The following CFAP46 variants were observed in gnomAD, a reference collection of about 807,000 sequenced individuals.
The protein encoded by CFAP46 is cilia and flagella associated protein 46.
CFAP46 carries 245 observed loss-of-function variants against 325.7 expected under a neutral mutation model. The observed-to-expected ratio is 0.75, with a 90% confidence interval of 0.68 to 0.84. CFAP46 has a LOEUF of 0.84. Ranked by LOEUF, CFAP46 falls within the 40% of genes least tolerant of loss-of-function variation. CFAP46 has a pLI of 0.00. For missense variants in CFAP46, 3,346 were observed against 3,543.0 expected (o/e 0.94, Z 1.41); for synonymous variants, 1,523 against 1,495.9 (o/e 1.02, Z -0.42).
chr10:132,938,830 T>C (rs1850055099), intron 4 of CFAP46, 77 bp from the exon 5 acceptor site: 2 of 1,427,242 alleles, frequency 1.4e-6, no homozygotes, highest in East Asian at 2.3e-5. Flanking sequence ...GGGGCCGCTG[T>C]GTCTCCGGAG....
intron 50 of CFAP46, among the ~76,000 whole-genome samples, chr10:132,824,810 G>T (rs1228008959): frequency 7.0e-6 from 1 of 143,596 alleles, no homozygotes; most frequent in African/African-American, 2.6e-5. Flanking sequence ...TCTGTGCGCT[G>T]ATGTGTGCTG....
chr10:132,909,078 G>A, intron 21 of CFAP46, 59 bp downstream of exon 21: 1 of 1,283,344 alleles, frequency 7.8e-7, no homozygotes, highest in Non-Finnish European at 1.1e-6. Context: ...CCTAGGGCAA[G>A]AGCCTCGGCG....
At chr10:132,814,774 T>C (rs998416809) in intron 51 of CFAP46, 28 bp from the exon 52 acceptor site, 31 of 1,613,508 alleles carry the variant, frequency 1.9e-5, no homozygotes, top group Non-Finnish European at 2.5e-5. Flanking sequence ...GGTCAGCAGG[T>C]GCAGGGGCCA....
intron 50 of CFAP46, among the ~76,000 whole-genome samples, chr10:132,821,401 G>GCGC (rs764717773): frequency 7.4e-6 from 1 of 134,644 alleles, no homozygotes; most frequent in Non-Finnish European, 1.6e-5. Flanking sequence ...TGCTGTGTGT[G>GCGC]TGCTGTGTGC....
At chr10:132,915,736 G>A (rs12257933) in intron 17 of CFAP46, among the ~76,000 whole-genome samples, 123 of 152,358 alleles carry the variant, frequency 8.1e-4, no homozygotes, top group African/African-American at 2.5e-3. Context: ...ATAAGTTCCC[G>A]TGTCCTATGC....
Position 132,872,777 on chromosome 10 carries a change from C to G in CFAP46, c.4410G>C (p.Lys1470Asn). ...GAACCGTGAGTTCGTGCAGGCACAT[C>G]TTCTGCAGGGCCTTGACCAGGTGGT... Reference protein sequence around the residue: ...FLDHLVKALQKMCLHELTVPV... With the variant: ...FLDHLVKALQNMCLHELTVPV... Residue 1470 changes from lysine (K) to asparagine (N), a missense_variant, in exon 32 of 58, where the codon AAG becomes AAC. Transcript: ENST00000368586. The G allele has an allele frequency of 3.9e-6, 6 of 1,551,054 alleles. No individual in the cohort carries two copies. The highest frequency in any genetic ancestry group is 5.2e-6 in the Non-Finnish European group (6 of 1,147,112).
At chr10:132,906,780 C>T (rs1395439989) in intron 22 of CFAP46, among the ~76,000 whole-genome samples, 2 of 125,938 alleles carry the variant, frequency 1.6e-5, no homozygotes, top group East Asian at 4.2e-4. Flanking sequence ...GAAGAGTGAA[C>T]GGGGTCCTGG....
chr10:132,915,554 G>A (rs900581962), intron 17 of CFAP46, among the ~76,000 whole-genome samples: 1 of 151,634 alleles, frequency 6.6e-6, no homozygotes, highest in African/African-American at 2.4e-5. Flanking sequence ...CGAGGGCGGG[G>A]CGCCGTGCCC....
chr10:132,901,652 G>A (rs1024202787), intron 22 of CFAP46, among the ~76,000 whole-genome samples: 13 of 152,176 alleles, frequency 8.5e-5, no homozygotes, highest in Admixed American at 7.9e-4. Context: ...GCTTTAAAAG[G>A]TCAAGTGTTT....
chr10:132,810,527 C>A (rs779142290), intron 56 of CFAP46, 38 bp from the exon 57 acceptor site: 1 of 1,588,868 alleles, frequency 6.3e-7, no homozygotes, highest in African/African-American at 1.3e-5. Context: ...GCATGGACAC[C>A]CTGGCAGCCT....
chr10:132,836,726 C>T, intron 45 of CFAP46, 91 bp downstream of exon 45: 1 of 1,079,924 alleles, frequency 9.3e-7, no homozygotes, highest in South Asian at 1.3e-5. Context: ...TGGGGTGGGG[C>T]TGAGGTGTGG....
In CFAP46 at chr10:132,922,547, C is replaced by T. The variant is rs769446684; in HGVS notation, c.1418G>A (p.Arg473His). The T allele has an allele frequency of 7.8e-6, 12 of 1,548,066 alleles. No individual in the cohort carries two copies. The highest frequency in any genetic ancestry group is 3.5e-4 in the Middle Eastern group (2 of 5,678). Residue 473 changes from arginine (R) to histidine (H), a missense_variant, in exon 12 of 58, where the codon CGT becomes CAT. Transcript: ENST00000368586. ...GGCCTGGTATAGCGTGGTGCACAGA[C>T]GCAGCCGGGTGGAGGCCATCTGGAT... is the stretch of plus-strand genomic sequence containing the variant. ...DRIQMASTRL[R>H]LCTTLYQAPE...
chr10:132,932,250 T>TCCC (rs1293422030), intron 8 of CFAP46, among the ~76,000 whole-genome samples: 4 of 139,812 alleles, frequency 2.9e-5, no homozygotes, highest in African/African-American at 1.1e-4. Context: ...AGCCTGGGCC[T>TCCC]TCCTCCTCCC....
intron 9 of CFAP46, among the ~76,000 whole-genome samples, chr10:132,927,354 C>T (rs887567556): frequency 2.0e-5 from 3 of 150,832 alleles, no homozygotes; most frequent in South Asian, 2.1e-4. Flanking sequence ...AGCAGGTCCT[C>T]GGCGGCAGAC....
chr10:132,818,015 C>A (rs1272358837), intron 50 of CFAP46, among the ~76,000 whole-genome samples: 2 of 152,204 alleles, frequency 1.3e-5, no homozygotes, highest in African/African-American at 4.8e-5. Flanking sequence ...ATCACCTGGG[C>A]CCACCCAGAT....
intron 19 of CFAP46, among the ~76,000 whole-genome samples, chr10:132,911,655 G>A (rs889236642): frequency 1.3e-5 from 2 of 152,190 alleles, no homozygotes; most frequent in Non-Finnish European, 2.9e-5. Flanking sequence ...ATCTGTCAAC[G>A]AGAACACTAT....
At position 132,817,338 on chromosome 10, in the gene CFAP46, G is replaced by A. The variant is rs1198975368; in HGVS notation, c.7118-2424C>T. 1.3e-5 allele frequency among the ~76,000 whole-genome samples: 2 copies of A among 152,120 alleles called. No homozygotes were observed. Among genetic ancestry groups the A allele is most frequent in the Non-Finnish European group, 2.9e-5 (2 of 68,032 alleles). ...CCCTTCTCTTGGTTTATCACGTGGG[G>A]GTCATTTGTGACGGGCGTGCTTCCT... is the stretch of plus-strand genomic sequence containing the variant. On this transcript the variant is annotated intron_variant, in intron 50 of 57. Transcript: ENST00000368586. This position sits in a 1 kb window ranked among gnomAD's most constrained non-coding sequence, Gnocchi z 4.4.
intron 50 of CFAP46, among the ~76,000 whole-genome samples, chr10:132,823,799 GTGTGTGC>G (rs1219914918): frequency 3.1e-5 from 4 of 127,560 alleles, no homozygotes; most frequent in African/African-American, 5.4e-5. Context: ...TGTGTGCTGT[GTGTGTGC>G]TGTGTGCTGT....
In CFAP46 at chr10:132,925,099, G is replaced by T. The variant is rs536168118; in HGVS notation, c.1066-213C>A. ...AGATATTACATGCAGGAGGCTTGGC[G>T]GTGCCCACACATCGTGGCTGCGCCC... is the stretch of plus-strand genomic sequence containing the variant. On this transcript the variant is annotated intron_variant, in intron 10 of 57. Coordinates refer to ENST00000368586, the MANE Select transcript of CFAP46 (RefSeq NM_001200049.3). Among the ~76,000 whole-genome samples, 4 of 152,356 alleles carry T rather than the reference G, an allele frequency of 2.6e-5. No homozygotes were observed. In the East Asian group the frequency reaches 7.7e-4, roughly 29 times the overall value.
Sources: allele counts gnomAD v4.1 joint callset (sites outside exome capture counted in the v4.1 genomes callset), GRCh38; gene constraint gnomAD v4.1.1; non-coding constraint Gnocchi (gnomAD v3.1); transcripts MANE v1.5; gene names NCBI Gene and HGNC (gene_info 2026-07-23, HGNC 2026-07-21).